Variants in ACSL6 observed in about 807,000 individuals in gnomAD.
ACSL6 encodes long-chain-fatty-acid--CoA ligase 6.
ACSL6 carries 47 observed loss-of-function variants against 98.2 expected under a neutral mutation model. The ratio of observed to expected loss-of-function variants is 0.48; its 90% CI spans 0.38 to 0.61. The LOEUF (loss-of-function observed/expected upper bound fraction) is 0.61. Among genes scored for constraint, ACSL6 ranks in the 20% least tolerant of loss-of-function variants. ACSL6 has a pLI of 0.00. For synonymous variants in ACSL6, 362 were observed against 336.9 expected (o/e 1.07, Z -0.82); for missense variants, 761 against 913.4 (o/e 0.83, Z 2.15).
At chr5:132,003,219 T>C (rs934890736) in intron 1 of ACSL6, among the ~76,000 whole-genome samples, 2 of 152,202 alleles carry the variant, frequency 1.3e-5, no homozygotes, top group Non-Finnish European at 2.9e-5. Context: ...CAAATCTGAA[T>C]TTCCTCCAGT....
upstream of ACSL6, chr5:132,012,149 A>C: frequency 2.0e-6 from 1 of 494,786 alleles, no homozygotes; most frequent in Non-Finnish European, 3.3e-6. Context: ...GCCCCCTAGG[A>C]CCCGAGTTTG....
chr5:131,995,741 A>G (rs78755468), intron 1 of ACSL6, among the ~76,000 whole-genome samples: 1,937 of 152,290 alleles, frequency 0.013, 41 homozygotes, highest in African/African-American at 0.044. Flanking sequence ...GACACACAAA[A>G]AGCCCTTCAG....
intron 9 of ACSL6, among the ~76,000 whole-genome samples, chr5:131,979,755 C>A (rs1753798171): frequency 6.6e-6 from 1 of 152,200 alleles, no homozygotes; most frequent in Non-Finnish European, 1.5e-5. Context: ...AGAATTTTCC[C>A]TGGTTTTCTC....
At chr5:131,955,376 T>C (rs1752347153) in intron 20 of ACSL6, among the ~76,000 whole-genome samples, 1 of 152,238 alleles carries the variant, frequency 6.6e-6, no homozygotes, top group African/African-American at 2.4e-5. Flanking sequence ...ATAGGGCTGC[T>C]GTTCTTTGTA....
intron 9 of ACSL6, 149 bp downstream of exon 9, chr5:131,985,258 T>A: frequency 1.1e-6 from 1 of 917,178 alleles, no homozygotes; most frequent in South Asian, 1.5e-5. Flanking sequence ...CACTGGGAGG[T>A]GCAGGAGGTC....
intron 10 of ACSL6, chr5:131,975,792 T>C (rs1188192320): frequency 1.0e-6 from 1 of 985,362 alleles, no homozygotes; most frequent in Non-Finnish European, 1.2e-6. Flanking sequence ...TCTCCTCTGC[T>C]GGACTTCCCT....
chr5:132,007,493 G>A (rs971486283), intron 1 of ACSL6, among the ~76,000 whole-genome samples: 9 of 152,206 alleles, frequency 5.9e-5, no homozygotes, highest in African/African-American at 2.2e-4. Flanking sequence ...CATGCCTGGT[G>A]GTCCCTTCCT....
At chr5:131,996,401 C>T (rs981043701) in intron 1 of ACSL6, among the ~76,000 whole-genome samples, 4 of 152,164 alleles carry the variant, frequency 2.6e-5, no homozygotes, top group African/African-American at 9.7e-5. Flanking sequence ...CACAGCCAGG[C>T]CTATCAGATA....
intron 18 of ACSL6, among the ~76,000 whole-genome samples, chr5:131,961,650 T>C (rs1282888907): frequency 6.6e-6 from 1 of 152,062 alleles, no homozygotes; most frequent in Non-Finnish European, 1.5e-5. Context: ...TGAGCCGAGA[T>C]TGTGCCACTG....
intron 1 of ACSL6, among the ~76,000 whole-genome samples, chr5:131,998,210 C>T (rs1754890468): frequency 6.6e-6 from 1 of 152,102 alleles, no homozygotes; most frequent in Non-Finnish European, 1.5e-5. Context: ...GGAGTGTGGA[C>T]AGCACTCAAG....
At chr5:131,990,679 T>C (rs909618511) in intron 3 of ACSL6, among the ~76,000 whole-genome samples, 174 bp downstream of exon 3, 1 of 152,200 alleles carries the variant, frequency 6.6e-6, no homozygotes, top group Non-Finnish European at 1.5e-5. Context: ...TTTAGCCATA[T>C]AATGCAGCTG....
At chr5:131,975,674 G>A in intron 10 of ACSL6, 1 of 985,334 alleles carries the variant, frequency 1.0e-6, no homozygotes, top group Non-Finnish European at 1.2e-6. Flanking sequence ...CAAAGGGAGG[G>A]CCCAGGACAC....
intron 14 of ACSL6, 133 bp from the exon 15 acceptor site, chr5:131,970,333 G>A: frequency 2.8e-6 from 2 of 720,016 alleles, no homozygotes; most frequent in Non-Finnish European, 2.4e-6. Context: ...AGGGAGGGAG[G>A]TGCTCTGGAG....
intron 17 of ACSL6, among the ~76,000 whole-genome samples, chr5:131,963,190 T>C (rs985432935): frequency 2.6e-5 from 4 of 152,160 alleles, no homozygotes; most frequent in African/African-American, 9.7e-5. Context: ...CCCCTGTGAC[T>C]CCTACCTGAC....
chr5:131,956,560 A>G (rs763402921), intron 20 of ACSL6, among the ~76,000 whole-genome samples: 37 of 152,172 alleles, frequency 2.4e-4, no homozygotes, highest in Non-Finnish European at 4.1e-4. Flanking sequence ...CAGCCCTTGG[A>G]CTATTTAAAT....
chr5:131,970,610 C>T (rs527754528), intron 14 of ACSL6, among the ~76,000 whole-genome samples: 41 of 152,082 alleles, frequency 2.7e-4, no homozygotes, highest in Admixed American at 4.6e-4. Flanking sequence ...GGGGTTTCAT[C>T]GTGTTAGCCA....
chr5:131,976,564 G>T, intron 10 of ACSL6, 84 bp downstream of exon 10: 6 of 1,203,380 alleles, frequency 5.0e-6, no homozygotes, highest in Non-Finnish European at 7.1e-6. Flanking sequence ...AAAAGAAAAA[G>T]AAAACAAACA....
In ACSL6 at chr5:132,007,632, A is replaced by T. The variant is rs185409761; in HGVS notation, c.49+3873T>A. On this transcript the variant is annotated intron_variant, in intron 1 of 20. Coordinates refer to ENST00000651883, the MANE Select transcript of ACSL6 (RefSeq NM_001009185.3). The stretch of plus-strand genomic sequence containing the variant: ...ACAACACAGTGTTGTGGGAGGATGG[A>T]AGGAAAGTTTGGAGAATCATAGACA... Among the ~76,000 whole-genome samples the T allele has an allele frequency of 7.9e-5, 12 of 152,264 alleles. No homozygotes were observed. In the East Asian group the frequency reaches 2.3e-3, roughly 29 times the overall value.
chr5:131,992,686 T>C (rs550061965), intron 2 of ACSL6, among the ~76,000 whole-genome samples: 1 of 151,134 alleles, frequency 6.6e-6, no homozygotes, highest in African/African-American at 2.4e-5. Flanking sequence ...CGCTTGCCCC[T>C]GTCACACCCA....
Sources: gnomAD v4.1 joint callset for allele counts (sites outside exome capture counted in the v4.1 genomes callset) on GRCh38, gnomAD v4.1.1 for gene constraint, MANE v1.5 for transcripts, NCBI Gene and HGNC (gene_info 2026-07-23, HGNC 2026-07-21) for gene names.